Variants in NCAM2 observed in about 807,000 individuals in gnomAD.
NCAM2 encodes N-CAM-2.
Under a neutral mutation model 98.1 loss-of-function variants are expected in NCAM2, and 30 were observed. The ratio of observed to expected loss-of-function variants is 0.31; its 90% confidence interval spans 0.23 to 0.41. NCAM2 has a LOEUF of 0.41. NCAM2 is among the 10% of genes least tolerant of loss of function. The pLI, the probability that NCAM2 is intolerant of heterozygous loss-of-function variation, is 1.00. For missense variants in NCAM2, 867 were observed against 1,005.8 expected (o/e 0.86, Z 1.87); for synonymous variants, 368 against 342.4 (o/e 1.07, Z -0.83).
intron 1 of NCAM2, among the ~76,000 whole-genome samples, chr21:21,199,873 A>G (rs1601626884): frequency 6.6e-6 from 1 of 152,178 alleles, no homozygotes; most frequent in South Asian, 2.1e-4. Context: ...ATGGTTCACC[A>G]TTAGAGGCTG....
intron 11 of NCAM2, among the ~76,000 whole-genome samples, chr21:21,429,246 A>T (rs1267183855): frequency 6.6e-6 from 1 of 152,206 alleles, no homozygotes; most frequent in Non-Finnish European, 1.5e-5. Context: ...GTGCTGAAAG[A>T]AAAAACAAAG....
At chr21:21,380,563 G>GT (rs113079579) in intron 9 of NCAM2, among the ~76,000 whole-genome samples, 4,031 of 148,456 alleles carry the variant, frequency 0.027, 101 homozygotes, top group African/African-American at 0.074. Context: ...CTGTTTTCTT[G>GT]TTTTTTTTTT....
chr21:21,121,053 A>C (rs915735372), intron 1 of NCAM2, among the ~76,000 whole-genome samples: 1 of 151,996 alleles, frequency 6.6e-6, no homozygotes, highest in African/African-American at 2.4e-5. Context: ...GTCTTTACTG[A>C]GTTTATATTG....
At chr21:21,061,618 T>C (rs534451667) in intron 1 of NCAM2, among the ~76,000 whole-genome samples, 1 of 150,126 alleles carries the variant, frequency 6.7e-6, no homozygotes. Flanking sequence ...CCTATTCTTT[T>C]TGAATCTTTT....
intron 12 of NCAM2, among the ~76,000 whole-genome samples, chr21:21,441,946 C>T (rs1979344268): frequency 6.6e-6 from 1 of 152,118 alleles, no homozygotes; most frequent in African/African-American, 2.4e-5. Flanking sequence ...CTGACATCTC[C>T]TGAGGGACTG....
At chr21:21,221,550 G>C (rs1046546249) in intron 1 of NCAM2, among the ~76,000 whole-genome samples, 5 of 152,182 alleles carry the variant, frequency 3.3e-5, no homozygotes, top group Admixed American at 6.5e-5. Flanking sequence ...AGCTTTATTA[G>C]TCTAGCTAGA....
intron 1 of NCAM2, among the ~76,000 whole-genome samples, chr21:21,150,662 T>C (rs974229249): frequency 5.3e-5 from 8 of 152,070 alleles, no homozygotes; most frequent in Admixed American, 4.6e-4. Context: ...TTGGGATAAA[T>C]CCAGCTTCAT....
chr21:21,088,412 G>A (rs548400761), intron 1 of NCAM2, among the ~76,000 whole-genome samples: 5 of 152,230 alleles, frequency 3.3e-5, no homozygotes, highest in African/African-American at 4.8e-5. Flanking sequence ...GTATATGGCC[G>A]TAGGTTTTTA....
chr21:21,078,180 T>C (rs2065719338), intron 1 of NCAM2, among the ~76,000 whole-genome samples: 1 of 152,172 alleles, frequency 6.6e-6, no homozygotes, highest in Non-Finnish European at 1.5e-5. Flanking sequence ...TATTATTACC[T>C]CTAGCTTATT....
At chr21:21,476,132 A>G (rs562875968) in intron 14 of NCAM2, among the ~76,000 whole-genome samples, 32 of 152,238 alleles carry the variant, frequency 2.1e-4, no homozygotes, top group African/African-American at 6.5e-4. Flanking sequence ...GTGGCTCAAC[A>G]TAGAGTAATA....
At chr21:21,191,507 C>T (rs912739371) in intron 1 of NCAM2, among the ~76,000 whole-genome samples, 3 of 152,142 alleles carry the variant, frequency 2.0e-5, no homozygotes, top group Non-Finnish European at 4.4e-5. Flanking sequence ...CTATATGCAA[C>T]TTAATTTTAA....
intron 5 of NCAM2, among the ~76,000 whole-genome samples, chr21:21,303,319 G>A (rs2073781087): frequency 6.6e-6 from 1 of 151,886 alleles, no homozygotes; most frequent in African/African-American, 2.4e-5. Context: ...TATAGTGAAT[G>A]TATCTATTAT....
rs374699960 is a variant in NCAM2 at position 21,268,609 on chromosome 21, CTG to C, written c.56-11967_56-11966del. ...CTTTCAATATGTGGAAAACCTCTCA[CTG>C]TTATTTTATCTCAAGCTGGGAAGCC... On this transcript the variant is annotated intron_variant, in intron 1 of 17. Transcript: ENST00000400546. Among the ~76,000 whole-genome samples the C allele has an allele frequency of 5.4e-3, 829 of 152,216 alleles. 6 individuals are homozygous for C. Among genetic ancestry groups the C allele is most frequent in the Non-Finnish European group, 9.5e-3 (644 of 68,028 alleles).
rs552638760 is a variant in NCAM2, at chr21:21,213,317, C to G, written c.56-67261C>G. ...TAAGTTTTAAGGGGGCAACTATTGA[C>G]TAAAGGTTAAGCTAGAGTTTAAATT... On this transcript the variant is annotated intron_variant, in intron 1 of 17. Transcript: ENST00000400546. 6.6e-4 allele frequency among the ~76,000 whole-genome samples: 100 copies of G among 152,186 alleles called. 1 individual carries two copies. Among genetic ancestry groups the G allele is most frequent in the African/African-American group, 2.3e-3 (97 of 41,532 alleles).
At chr21:21,216,955 G>C (rs1247423308) in intron 1 of NCAM2, among the ~76,000 whole-genome samples, 3 of 150,190 alleles carry the variant, frequency 2.0e-5, no homozygotes, top group Non-Finnish European at 4.5e-5. Context: ...AGTTTTGTCT[G>C]TTAACTCAGG....
chr21:21,369,973 T>C (rs1314062772), intron 8 of NCAM2, among the ~76,000 whole-genome samples: 2 of 151,742 alleles, frequency 1.3e-5, no homozygotes, highest in South Asian at 4.1e-4. Flanking sequence ...ACTGCACAGA[T>C]TCTGCACTCT....
chr21:21,487,072 C>A (rs906031655), intron 15 of NCAM2, among the ~76,000 whole-genome samples: 1 of 152,018 alleles, frequency 6.6e-6, no homozygotes, highest in Non-Finnish European at 1.5e-5. Context: ...CCTTATTTCT[C>A]TAAGAAATTA....
intron 16 of NCAM2, among the ~76,000 whole-genome samples, chr21:21,524,423 G>GA (rs34970781): frequency 0.016 from 2,125 of 128,956 alleles, 23 homozygotes; most frequent in African/African-American, 0.033. Context: ...TCAGCAAGCA[G>GA]AAAAAAAAAA....
At chr21:21,391,774 T>G (rs2076385430) in intron 9 of NCAM2, among the ~76,000 whole-genome samples, 1 of 151,712 alleles carries the variant, frequency 6.6e-6, no homozygotes. Context: ...CTCAGAATTC[T>G]TCACATGCAA....
Sources: allele counts gnomAD v4.1 joint callset (sites outside exome capture counted in the v4.1 genomes callset), GRCh38; gene constraint gnomAD v4.1.1; transcripts MANE v1.5; gene names NCBI Gene and HGNC (gene_info 2026-07-23, HGNC 2026-07-21).